The following PPFIA2 variants were observed in gnomAD, a reference collection of about 807,000 sequenced individuals.
The protein encoded by PPFIA2 is liprin-alpha-2.
Under a neutral mutation model 175.5 loss-of-function variants are expected in PPFIA2, and 46 were observed. That is an observed-to-expected ratio of 0.26 (90% CI 0.21 to 0.34). The LOEUF (loss-of-function observed/expected upper bound fraction) is 0.34. Among genes scored for constraint, PPFIA2 ranks in the 10% least tolerant of loss-of-function variants. The probability of loss-of-function intolerance (pLI) is 1.00; values close to 1 mark genes in which losing one functional copy is unlikely to be tolerated. For synonymous variants in PPFIA2, 568 were observed against 511.4 expected, an observed-to-expected ratio of 1.11 and a Z score of -1.49; for missense variants, 1,179 against 1,506.1, an observed-to-expected ratio of 0.78 and a Z score of 3.60.
At chr12:81,336,339 T>C (rs2057129981) in intron 21 of PPFIA2, among the ~76,000 whole-genome samples, 2 of 152,194 alleles carry the variant, frequency 1.3e-5, no homozygotes, top group Admixed American at 6.5e-5. Flanking sequence ...ATACTGATAT[T>C]GTCTATGCTA....
chr12:81,426,852 T>A (rs936369717), intron 7 of PPFIA2, among the ~76,000 whole-genome samples: 3 of 152,076 alleles, frequency 2.0e-5, no homozygotes, highest in Non-Finnish European at 4.4e-5. Context: ...ATTTAAAACA[T>A]AGTGGCCACT....
intron 4 of PPFIA2, among the ~76,000 whole-genome samples, chr12:81,625,503 G>A (rs2062594998): frequency 6.6e-6 from 1 of 151,522 alleles, no homozygotes; most frequent in South Asian, 2.1e-4. Context: ...GTTGAATCCT[G>A]GCTCTGATAC....
intron 4 of PPFIA2, among the ~76,000 whole-genome samples, chr12:81,475,940 T>C (rs907872777): frequency 2.0e-5 from 3 of 152,210 alleles, no homozygotes; most frequent in African/African-American, 7.2e-5. Flanking sequence ...CTCAATCACC[T>C]GACCTTGTGA....
chr12:81,317,202 C>A (rs757011631), intron 22 of PPFIA2, among the ~76,000 whole-genome samples: 1 of 151,228 alleles, frequency 6.6e-6, no homozygotes, highest in African/African-American at 2.4e-5. Flanking sequence ...TAATCAGGAA[C>A]AAAACAAATA....
chr12:81,481,315 C>T (rs1171934093), intron 4 of PPFIA2, among the ~76,000 whole-genome samples: 1 of 152,114 alleles, frequency 6.6e-6, no homozygotes, highest in African/African-American at 2.4e-5. Flanking sequence ...GGCCATACTG[C>T]CCAAGGTAAT....
At chr12:81,437,847 CA>C (rs2049366896) in intron 7 of PPFIA2, among the ~76,000 whole-genome samples, 2 of 152,080 alleles carry the variant, frequency 1.3e-5, no homozygotes, top group South Asian at 4.1e-4. Context: ...CCATCTCTTT[CA>C]AAGACTGTGT....
At chr12:81,380,940 C>T (rs1201091713) in intron 9 of PPFIA2, among the ~76,000 whole-genome samples, 1 of 144,126 alleles carries the variant, frequency 6.9e-6, no homozygotes, top group Non-Finnish European at 1.5e-5. Flanking sequence ...TTTCAGAATT[C>T]GTTTATTTAG....
At chr12:81,434,413 T>C (rs932527504) in intron 7 of PPFIA2, among the ~76,000 whole-genome samples, 1 of 151,896 alleles carries the variant, frequency 6.6e-6, no homozygotes, top group Non-Finnish European at 1.5e-5. Flanking sequence ...AGATAAGCAA[T>C]AAGAACAGAT....
At chr12:81,476,868 G>C (rs550002922) in intron 4 of PPFIA2, among the ~76,000 whole-genome samples, 45 of 152,262 alleles carry the variant, frequency 3.0e-4, no homozygotes, top group African/African-American at 1.0e-3. Flanking sequence ...CCATGGAATA[G>C]TATGCATCCA....
intron 9 of PPFIA2, among the ~76,000 whole-genome samples, chr12:81,380,066 AT>A (rs1248309376): frequency 6.6e-6 from 1 of 152,156 alleles, no homozygotes; most frequent in East Asian, 1.9e-4. Context: ...AAACGAGCTT[AT>A]TTTTTTCTAC....
chr12:81,415,737 AAAGTTT>A (rs1207358061), intron 7 of PPFIA2, among the ~76,000 whole-genome samples: 1 of 151,168 alleles, frequency 6.6e-6, no homozygotes, highest in Non-Finnish European at 1.5e-5. Flanking sequence ...TCTCAGGTAG[AAAGTTT>A]TGCTTTTTTG....
chr12:81,698,879 T>C (rs914523514), intron 3 of PPFIA2, among the ~76,000 whole-genome samples: 3 of 152,120 alleles, frequency 2.0e-5, no homozygotes, highest in African/African-American at 7.2e-5. Flanking sequence ...TTATCTATTG[T>C]ATGTTCCATG....
intron 4 of PPFIA2, among the ~76,000 whole-genome samples, chr12:81,557,067 A>G (rs1319995504): frequency 7.9e-5 from 12 of 151,654 alleles, no homozygotes; most frequent in Non-Finnish European, 4.4e-5. Flanking sequence ...TGAGACCATC[A>G]GCAGTAAAAG....
At chr12:81,712,301 A>G (rs2078040592) in intron 3 of PPFIA2, among the ~76,000 whole-genome samples, 1 of 151,446 alleles carries the variant, frequency 6.6e-6, no homozygotes, top group South Asian at 2.1e-4. Flanking sequence ...GAATGTTGAG[A>G]TTTATATAAA....
At chr12:81,604,684 CT>C (rs1338976937) in intron 4 of PPFIA2, among the ~76,000 whole-genome samples, 1 of 151,614 alleles carries the variant, frequency 6.6e-6, no homozygotes, top group Non-Finnish European at 1.5e-5. Flanking sequence ...ATGGCTACCA[CT>C]TTACGTGAAG....
chr12:81,437,008 G>T (rs970484813), intron 7 of PPFIA2, among the ~76,000 whole-genome samples: 1 of 152,162 alleles, frequency 6.6e-6, no homozygotes, highest in Non-Finnish European at 1.5e-5. Flanking sequence ...AGAAAAGTCT[G>T]CAGTAGATAC....
intron 11 of PPFIA2, among the ~76,000 whole-genome samples, chr12:81,372,513 G>GAAAAAAAAAAAAAAAA (rs3075257): frequency 1.2e-4 from 11 of 93,614 alleles, no homozygotes; most frequent in Non-Finnish European, 2.1e-4. Flanking sequence ...AATTGAAACA[G>GAAAAAAAAAAAAAAAA]AAAAAAAAAA....
At chr12:81,541,628 C>T (rs1192126902) in intron 4 of PPFIA2, among the ~76,000 whole-genome samples, 1 of 151,988 alleles carries the variant, frequency 6.6e-6, no homozygotes, top group East Asian at 1.9e-4. Context: ...ACAAATAGTT[C>T]TCTTTCATTA....
chr12:81,623,565 T>A (rs942726009), intron 4 of PPFIA2, among the ~76,000 whole-genome samples: 1 of 152,024 alleles, frequency 6.6e-6, no homozygotes, highest in Admixed American at 6.6e-5. Context: ...AACTTACATT[T>A]AGAGTGTAGG....
Sources: gnomAD v4.1 joint callset for allele counts (sites outside exome capture counted in the v4.1 genomes callset) on GRCh38, gnomAD v4.1.1 for gene constraint, MANE v1.5 for transcripts, NCBI Gene and HGNC (gene_info 2026-07-23, HGNC 2026-07-21) for gene names.